FNDC3A: variants seen among roughly 807,000 people sequenced by gnomAD.
FNDC3A encodes fibronectin type-III domain-containing protein 3A.
A neutral mutation model predicts 148.9 loss-of-function variants in FNDC3A; 32 were observed. The ratio of observed to expected loss-of-function variants is 0.21; its 90% confidence interval spans 0.16 to 0.29. The LOEUF is 0.29. Ranked by LOEUF, FNDC3A falls within the 10% of genes least tolerant of loss-of-function variation. The pLI, the probability that FNDC3A is intolerant of heterozygous loss-of-function variation, is 1.00. For synonymous variants in FNDC3A, 472 were observed against 473.6 expected, an observed-to-expected ratio of 1.00 and a Z score of 0.04; for missense variants, 1,191 against 1,452.8, an observed-to-expected ratio of 0.82 and a Z score of 2.93.
At chr13:49,016,541 T>C (rs560022551) in intron 2 of FNDC3A, among the ~76,000 whole-genome samples, 2 of 152,346 alleles carry the variant, frequency 1.3e-5, no homozygotes, top group East Asian at 1.9e-4. Flanking sequence ...GTTGATCCTT[T>C]CAAAAAACCA....
chr13:49,088,539 C>CA (rs932627176), intron 3 of FNDC3A, among the ~76,000 whole-genome samples: 1 of 152,160 alleles, frequency 6.6e-6, no homozygotes, highest in Non-Finnish European at 1.5e-5. Context: ...AATGAGTGGT[C>CA]AATTCTCACT....
At chr13:49,040,206 A>T (rs1874818974) in intron 2 of FNDC3A, among the ~76,000 whole-genome samples, 1 of 152,226 alleles carries the variant, frequency 6.6e-6, no homozygotes, top group Non-Finnish European at 1.5e-5. Context: ...TCAAGAAGTA[A>T]TGTAATTATT....
At chr13:49,070,893 T>TC (rs1877628206) in intron 2 of FNDC3A, among the ~76,000 whole-genome samples, 1 of 142,538 alleles carries the variant, frequency 7.0e-6, no homozygotes, top group Non-Finnish European at 1.5e-5. Context: ...TTTTTTTTTT[T>TC]GTTTTGTTTT....
At chr13:49,133,130 A>G (rs1882133524) in intron 5 of FNDC3A, among the ~76,000 whole-genome samples, 1 of 152,144 alleles carries the variant, frequency 6.6e-6, no homozygotes, top group Non-Finnish European at 1.5e-5. Flanking sequence ...AGTAATGCAA[A>G]TTGGTTCAGT....
chr13:49,026,283 A>T (rs904799788), intron 2 of FNDC3A, among the ~76,000 whole-genome samples: 5 of 152,210 alleles, frequency 3.3e-5, no homozygotes, highest in African/African-American at 1.2e-4. Context: ...AATGAGAATG[A>T]TACACTCCAA....
chr13:49,098,517 C>T (rs770301076), intron 3 of FNDC3A, among the ~76,000 whole-genome samples: 3 of 152,112 alleles, frequency 2.0e-5, no homozygotes, highest in Non-Finnish European at 4.4e-5. Flanking sequence ...CATTCATGGA[C>T]ATTAATATCA....
chr13:49,012,804 A>AGTGTGTGTGTGTGTGT lies in FNDC3A; in HGVS notation c.99+6515_99+6516insGTGTGTGTGTGTGTGT, dbSNP rs535416333. Among the ~76,000 whole-genome samples the AGTGTGTGTGTGTGTGT allele has an allele frequency of 3.3e-4, 12 of 36,596 alleles. 1 individual carries two copies. The highest frequency in any genetic ancestry group is 1.7e-4 in the Non-Finnish European group (3 of 17,964). The allele number at this position is 36,596 out of a possible 152,430, so 24.0% of individuals were successfully genotyped here. On this transcript the variant is annotated intron_variant, in intron 2 of 25. Transcript: ENST00000492622. Reference sequence around the variant, plus strand: ...ACTTGGGTTTTTATATGCAATTATAAATGTGTGTGTGTGTGTGTGTGTGTG... The same window carrying AGTGTGTGTGTGTGTGT: ...ACTTGGGTTTTTATATGCAATTATAAGTGTGTGTGTGTGTGTATGTGTGTGTGTGTGTGTGTGTGTG...
intron 3 of FNDC3A, among the ~76,000 whole-genome samples, chr13:49,091,219 CA>C (rs149324377): frequency 6.8e-6 from 1 of 146,648 alleles, no homozygotes; most frequent in South Asian, 2.2e-4. Context: ...CAGTTTTCAA[CA>C]AAAAAAGATT....
chr13:49,006,404 A>C, intron 2 of FNDC3A, 115 bp downstream of exon 2: 1 of 500,836 alleles, frequency 2.0e-6, no homozygotes, highest in Admixed American at 3.8e-5. Context: ...TTCCCAATTC[A>C]AAATGTTGTT....
At chr13:49,003,799 G>T (rs1453162636) in intron 1 of FNDC3A, among the ~76,000 whole-genome samples, 1 of 151,916 alleles carries the variant, frequency 6.6e-6, no homozygotes, top group Non-Finnish European at 1.5e-5. Context: ...AAGATGTCCA[G>T]GTTTTTTTCA....
intron 8 of FNDC3A, among the ~76,000 whole-genome samples, chr13:49,156,509 A>T (rs1030297756): frequency 6.7e-6 from 1 of 150,332 alleles, no homozygotes; most frequent in Non-Finnish European, 1.5e-5. Context: ...TGGAGCATTA[A>T]GTCCATTTAC....
intron 1 of FNDC3A, among the ~76,000 whole-genome samples, chr13:48,978,010 T>C (rs1951633440): frequency 6.6e-6 from 1 of 152,118 alleles, no homozygotes; most frequent in African/African-American, 2.4e-5. Context: ...AATAAAATCC[T>C]GGTTAACACT....
At chr13:49,064,412 A>C (rs11842342) in intron 2 of FNDC3A, among the ~76,000 whole-genome samples, 1,318 of 16,248 alleles carry the variant, frequency 0.081, 15 homozygotes, top group African/African-American at 0.13. Context: ...CCCCCCCCCC[A>C]AAAAAAAAAC....
intron 1 of FNDC3A, among the ~76,000 whole-genome samples, chr13:48,991,431 A>G (rs1333548337): frequency 6.6e-6 from 1 of 152,194 alleles, no homozygotes; most frequent in East Asian, 1.9e-4. Context: ...TCATGTTTGT[A>G]ATCCCAGCTC....
chr13:49,018,944 A>T (rs1433675493), intron 2 of FNDC3A, among the ~76,000 whole-genome samples: 1 of 152,158 alleles, frequency 6.6e-6, no homozygotes, highest in Non-Finnish European at 1.5e-5. Flanking sequence ...CCACTTGAGG[A>T]GGCAGTCTGC....
rs184732067 is a variant in FNDC3A at position 49,024,398 on chromosome 13, C to T, written c.99+18109C>T. On this transcript the variant is annotated intron_variant, in intron 2 of 25. Coordinates refer to ENST00000492622, the MANE Select transcript of FNDC3A (RefSeq NM_001079673.2). ...CATGAGGCAAACATAACCCTGATAC[C>T]GAAACTGTACAAGGACACAACAGAA... Among the ~76,000 whole-genome samples, 5 of 151,878 alleles carry T rather than the reference C, an allele frequency of 3.3e-5. No individual in the cohort carries two copies. The East Asian group carries it at 7.7e-4, about 23-fold the overall frequency.
rs1311192361 is a variant in FNDC3A, at chr13:49,045,046, TCCTTTCCCTTTCCCTTTTCCTTTC to T, written c.100-30229_100-30206del. On this transcript the variant is annotated intron_variant, in intron 2 of 25. Transcript: ENST00000492622. Reference sequence around the variant, plus strand: ...TCTCCTTTCCCTTTCCTTTCCCTTTTCCTTTCCCTTTCCCTTTTCCTTTCCCTTTCCCTTTCCTTTCCCTTTCCC... The same window carrying T: ...TCTCCTTTCCCTTTCCTTTCCCTTTTCCTTTCCCTTTCCTTTCCCTTTCCC... The T allele has an allele frequency of 1.5e-3, 82 of 54,794 alleles. No individual in the cohort carries two copies. In the East Asian group the frequency reaches 0.028, roughly 19 times the overall value. 3.4% of individuals were successfully genotyped at this position (54,794 alleles called of 1,614,324 possible). A position where few individuals can be genotyped will look rare whatever the true frequency, so the allele number is the denominator to read the frequency against.
intron 1 of FNDC3A, among the ~76,000 whole-genome samples, chr13:48,995,727 G>T (rs1041206622): frequency 4.6e-5 from 7 of 152,088 alleles, no homozygotes; most frequent in African/African-American, 1.7e-4. Context: ...ATCAAAGAGG[G>T]TAATTCAAAG....
intron 8 of FNDC3A, among the ~76,000 whole-genome samples, chr13:49,159,579 C>T (rs1425077964): frequency 1.3e-5 from 2 of 152,322 alleles, no homozygotes; most frequent in African/African-American, 4.8e-5. Context: ...GACAATTTGA[C>T]TTCCTGTTTT....
Sources: gnomAD v4.1 joint callset for allele counts (sites outside exome capture counted in the v4.1 genomes callset) on GRCh38, gnomAD v4.1.1 for gene constraint, MANE v1.5 for transcripts, NCBI Gene and HGNC (gene_info 2026-07-23, HGNC 2026-07-21) for gene names.